SCFD2: variants seen among roughly 807,000 people sequenced by gnomAD.
The protein encoded by SCFD2 is sec1 family domain containing 2, also known as sec1 family domain-containing protein 2.
In SCFD2, 54 loss-of-function variants were observed where a neutral mutation model predicts 58.9. The observed-to-expected ratio is 0.92, with a 90% CI of 0.74 to 1.15. The LOEUF (loss-of-function observed/expected upper bound fraction) is 1.15. SCFD2 is among the 50% of genes most tolerant of loss of function. SCFD2 has a pLI of 0.00. For synonymous variants in SCFD2, 321 were observed against 335.9 expected (o/e 0.96, Z 0.49); for missense variants, 805 against 836.6 (o/e 0.96, Z 0.47).
At chr4:52,882,466 C>G in intron 8 of SCFD2, among the ~76,000 whole-genome samples, 1 of 152,058 alleles carries the variant, frequency 6.6e-6, no homozygotes, top group East Asian at 1.9e-4. Flanking sequence ...AAGTATTGTT[C>G]CTGGGTATGT....
chr4:53,248,670 C>A lies in SCFD2; in HGVS notation c.1311+25156G>T, dbSNP rs145729723. ...ACCCCCCAGTAGGGGCAGACTGACA[C>A]CTCACACAGCCGGGTACTCCTCAGG... is the stretch of plus-strand genomic sequence containing the variant. On this transcript the variant is annotated intron_variant, in intron 4 of 8. Coordinates refer to ENST00000401642, the MANE Select transcript of SCFD2 (RefSeq NM_152540.4). Among the ~76,000 whole-genome samples, 777 of 152,306 alleles carry A rather than the reference C, an allele frequency of 5.1e-3. 6 individuals are homozygous for A. The highest frequency in any genetic ancestry group is 8.2e-3 in the Non-Finnish European group (557 of 68,022).
chr4:52,890,354 GT>G (rs1421628493), intron 7 of SCFD2, among the ~76,000 whole-genome samples: 5 of 152,214 alleles, frequency 3.3e-5, no homozygotes, highest in Admixed American at 6.5e-5. Flanking sequence ...GGGAATGTTG[GT>G]TTTGGTACAA....
chr4:53,209,756 G>C (rs2148978872), intron 4 of SCFD2, among the ~76,000 whole-genome samples: 1 of 151,574 alleles, frequency 6.6e-6, no homozygotes, highest in East Asian at 1.9e-4. Context: ...TAACTTTGTA[G>C]TCTTCTTTCT....
At chr4:53,229,244 T>C (rs984355512) in intron 4 of SCFD2, among the ~76,000 whole-genome samples, 3 of 152,156 alleles carry the variant, frequency 2.0e-5, no homozygotes, top group Non-Finnish European at 4.4e-5. Context: ...TACCAATGAC[T>C]TTCTACACAG....
chr4:53,024,337 A>G (rs373894959), intron 5 of SCFD2, among the ~76,000 whole-genome samples: 41 of 152,312 alleles, frequency 2.7e-4, no homozygotes, highest in African/African-American at 9.1e-4. Flanking sequence ...CTTTTCATCC[A>G]GCTTGTCCCA....
At chr4:52,925,387 CACTT>C (rs1481877810) in intron 5 of SCFD2, among the ~76,000 whole-genome samples, 1 of 150,132 alleles carries the variant, frequency 6.7e-6, no homozygotes, top group Non-Finnish European at 1.5e-5. Flanking sequence ...ATCAACAAAA[CACTT>C]AATTCACATT....
intron 7 of SCFD2, among the ~76,000 whole-genome samples, chr4:52,903,819 T>C (rs1405646057): frequency 2.0e-5 from 3 of 152,330 alleles, no homozygotes; most frequent in South Asian, 4.1e-4. Context: ...TAAATTGATA[T>C]CTTGACCCAC....
At chr4:52,969,270 C>T (rs1005854280) in intron 5 of SCFD2, among the ~76,000 whole-genome samples, 6 of 152,204 alleles carry the variant, frequency 3.9e-5, no homozygotes, top group African/African-American at 1.4e-4. Context: ...GTATAGCTAC[C>T]TTTATGGTTC....
intron 4 of SCFD2, among the ~76,000 whole-genome samples, chr4:53,216,565 C>T (rs187195380): frequency 9.4e-4 from 143 of 152,096 alleles, no homozygotes; most frequent in Admixed American, 2.6e-3. Context: ...TGCTAGCTGT[C>T]TATCAATTTT....
chr4:53,312,093 A>G (rs975355151), intron 3 of SCFD2, among the ~76,000 whole-genome samples: 29 of 152,234 alleles, frequency 1.9e-4, no homozygotes, highest in African/African-American at 7.0e-4. Flanking sequence ...AAGGAGGAAG[A>G]AAGGAAAGAC....
At chr4:53,226,304 G>A (rs1416972378) in intron 4 of SCFD2, among the ~76,000 whole-genome samples, 1 of 151,904 alleles carries the variant, frequency 6.6e-6, no homozygotes, top group Non-Finnish European at 1.5e-5. Flanking sequence ...TTATTTTTAT[G>A]GGGGGGAGGG....
chr4:53,312,570 C>A lies in SCFD2; in HGVS notation c.1135+1066G>T, dbSNP rs116099248. On this transcript the variant is annotated intron_variant, in intron 3 of 8. Transcript: ENST00000401642. ...TTATCATCATTATGTTCCTTGCAGC[C>A]CTCAAATATAGTTACCTAATACACT... Among the ~76,000 whole-genome samples, 1,120 of 152,180 alleles carry A rather than the reference C, an allele frequency of 7.4e-3. 7 individuals carry two copies. The highest frequency in any genetic ancestry group is 0.026 in the African/African-American group (1,064 of 41,512).
At chr4:53,104,191 T>C (rs1342894184) in intron 5 of SCFD2, among the ~76,000 whole-genome samples, 1 of 152,118 alleles carries the variant, frequency 6.6e-6, no homozygotes, top group Non-Finnish European at 1.5e-5. Flanking sequence ...AATTGTACAG[T>C]AGAGAAAACT....
At chr4:53,034,770 A>T (rs903630648) in intron 5 of SCFD2, among the ~76,000 whole-genome samples, 4 of 152,162 alleles carry the variant, frequency 2.6e-5, no homozygotes, top group African/African-American at 9.7e-5. Context: ...CTTACAAGGG[A>T]TGTGAAGGAC....
chr4:52,938,540 C>A (rs1349979608), intron 5 of SCFD2, among the ~76,000 whole-genome samples: 1 of 152,128 alleles, frequency 6.6e-6, no homozygotes, highest in Non-Finnish European at 1.5e-5. Context: ...CCTGTAAATA[C>A]ATATTGATAC....
intron 4 of SCFD2, among the ~76,000 whole-genome samples, chr4:53,158,191 AT>A (rs1408980612): frequency 6.6e-6 from 1 of 152,132 alleles, no homozygotes; most frequent in Non-Finnish European, 1.5e-5. Flanking sequence ...CCATCCAACT[AT>A]TTCTAGACTG....
At chr4:52,902,462 G>A (rs1018541632) in intron 7 of SCFD2, among the ~76,000 whole-genome samples, 4 of 152,130 alleles carry the variant, frequency 2.6e-5, no homozygotes, top group Non-Finnish European at 4.4e-5. Flanking sequence ...TTCTTCTTTG[G>A]GGGGCAGTGT....
chr4:53,343,943 G>T (rs1249037864), intron 2 of SCFD2, among the ~76,000 whole-genome samples: 2 of 152,146 alleles, frequency 1.3e-5, no homozygotes, highest in African/African-American at 2.4e-5. Context: ...AGGTATTGAT[G>T]GGACGTATCT....
intron 5 of SCFD2, among the ~76,000 whole-genome samples, chr4:52,971,807 C>G (rs916256352): frequency 3.3e-5 from 5 of 152,224 alleles, no homozygotes; most frequent in African/African-American, 7.2e-5. Context: ...ATCAGACTAA[C>G]AGCAGATCTC....
Sources: gnomAD v4.1 joint callset for allele counts (sites outside exome capture counted in the v4.1 genomes callset) on GRCh38, gnomAD v4.1.1 for gene constraint, MANE v1.5 for transcripts, NCBI Gene and HGNC (gene_info 2026-07-23, HGNC 2026-07-21) for gene names.